Variants in PIEZO2 observed in about 807,000 individuals in gnomAD.
PIEZO2 encodes the protein piezo-type mechanosensitive ion channel component 2.
A neutral mutation model predicts 337.3 loss-of-function variants in PIEZO2; 172 were observed. The observed-to-expected ratio is 0.51, with a 90% CI of 0.45 to 0.58. The LOEUF (loss-of-function observed/expected upper bound fraction) is 0.58, where lower values mean the gene tolerates loss of function less well. Ranked by LOEUF, PIEZO2 falls within the 20% of genes least tolerant of loss-of-function variation. PIEZO2 has a pLI of 0.00. For synonymous variants in PIEZO2, 1,251 were observed against 1,228.5 expected (o/e 1.02, Z -0.38); for missense variants, 3,028 against 3,391.3 (o/e 0.89, Z 2.66).
At chr18:11,006,148 A>G (rs556321130) in intron 2 of PIEZO2, among the ~76,000 whole-genome samples, 1 of 152,218 alleles carries the variant, frequency 6.6e-6, no homozygotes, top group Admixed American at 6.5e-5. Context: ...CCATCTCCCC[A>G]ACTGCTTTTT....
chr18:11,098,268 C>CAG (rs1378964167), intron 1 of PIEZO2, among the ~76,000 whole-genome samples: 2 of 131,726 alleles, frequency 1.5e-5, no homozygotes, highest in African/African-American at 5.8e-5. Flanking sequence ...CACACACACA[C>CAG]ACACACGAAA....
chr18:10,970,569 CATT>C (rs1472055193), intron 3 of PIEZO2, among the ~76,000 whole-genome samples: 1 of 151,946 alleles, frequency 6.6e-6, no homozygotes, highest in Non-Finnish European at 1.5e-5. Flanking sequence ...AGAATCAAGA[CATT>C]ATAAATATGC....
rs764554164 is a variant in PIEZO2, at chr18:10,953,534, C to T, written c.286+26001G>A. ...TTGAATTTGTATCTCTATGGAAAATCAAGTGGCCGTGCACATACATGTGGG... is the reference window on the plus strand; with the variant it reads ...TTGAATTTGTATCTCTATGGAAAATTAAGTGGCCGTGCACATACATGTGGG... On this transcript the variant is annotated intron_variant, in intron 3 of 55. Coordinates refer to ENST00000674853, the MANE Select transcript of PIEZO2 (RefSeq NM_001378183.1). The surrounding 1 kb of genome is among the most constrained non-coding windows in gnomAD (Gnocchi z 5.2). Among the ~76,000 whole-genome samples the T allele has an allele frequency of 7.9e-5, 12 of 152,070 alleles. No homozygotes were observed. The highest frequency in any genetic ancestry group is 1.6e-4 in the Non-Finnish European group (11 of 68,024).
At chr18:10,836,399 C>T (rs78542406) in intron 7 of PIEZO2, among the ~76,000 whole-genome samples, 1,709 of 152,286 alleles carry the variant, frequency 0.011, 28 homozygotes, top group African/African-American at 0.039. Flanking sequence ...CTCTCCACTC[C>T]TGTCTCCTCC....
rs183853142 is a variant in PIEZO2, at chr18:10,837,104, G to A, written c.917+18249C>T. The stretch of plus-strand genomic sequence containing the variant: ...TTTCTTAGGCAAAGAAACACTCTTC[G>A]CACAGGGATTGCTCACAACTCTTTC... On this transcript the variant is annotated intron_variant, in intron 7 of 55. Transcript: ENST00000674853. This position sits in a 1 kb window ranked among gnomAD's most constrained non-coding sequence, Gnocchi z 4.4. 4.6e-5 allele frequency among the ~76,000 whole-genome samples: 7 copies of A among 152,206 alleles called. No homozygotes were observed. The highest frequency in any genetic ancestry group is 1.4e-4 in the African/African-American group (6 of 41,534).
At chr18:10,972,239 A>AATG (rs1414366869) in intron 3 of PIEZO2, among the ~76,000 whole-genome samples, 2 of 152,058 alleles carry the variant, frequency 1.3e-5, no homozygotes, top group Non-Finnish European at 2.9e-5. Flanking sequence ...TTTACATGAA[A>AATG]ATGTTAGTTC....
intron 49 of PIEZO2, among the ~76,000 whole-genome samples, chr18:10,688,341 C>CT (rs2034647175): frequency 6.6e-6 from 1 of 152,170 alleles, no homozygotes; most frequent in Non-Finnish European, 1.5e-5. Context: ...CGATCTCCTT[C>CT]TTTTTTATGG....
At position 10,684,379 on chromosome 18, in the gene PIEZO2, G is replaced by A. The variant is rs748539428; in HGVS notation, c.7498-2087C>T. Among the ~76,000 whole-genome samples, 46 of 150,474 alleles carry A rather than the reference G, an allele frequency of 3.1e-4. 1 individual carries two copies. The Middle Eastern group carries it at 0.01, about 34-fold the overall frequency. Reference sequence around the variant, plus strand: ...ACAGGGTTTCACCATGTTAGCCAGGGTGGTCTCAATCTCCTGGCCTCGTGA... The same window carrying A: ...ACAGGGTTTCACCATGTTAGCCAGGATGGTCTCAATCTCCTGGCCTCGTGA... On this transcript the variant is annotated intron_variant, in intron 49 of 55. Transcript: ENST00000674853.
At position 10,988,678 on chromosome 18, in the gene PIEZO2, C is replaced by T. The variant is rs970052321; in HGVS notation, c.161-9018G>A. Among the ~76,000 whole-genome samples, 5 of 152,106 alleles carry T rather than the reference C, an allele frequency of 3.3e-5. No homozygotes were observed. Among genetic ancestry groups the T allele is most frequent in the Non-Finnish European group, 7.4e-5 (5 of 68,016 alleles). Reference sequence around the variant, plus strand: ...AAAACAACCAAGATATGGAAACATCCTAAATGTCCACTGAAGGAATATTGG... The same window carrying T: ...AAAACAACCAAGATATGGAAACATCTTAAATGTCCACTGAAGGAATATTGG... On this transcript the variant is annotated intron_variant, in intron 2 of 55. Transcript: ENST00000674853. This position sits in a 1 kb window ranked among gnomAD's most constrained non-coding sequence, Gnocchi z 4.8.
chr18:10,989,197 A>T (rs986387205), intron 2 of PIEZO2, among the ~76,000 whole-genome samples: 1 of 152,160 alleles, frequency 6.6e-6, no homozygotes, highest in Non-Finnish European at 1.5e-5. Flanking sequence ...GGTGTCTATC[A>T]TCAAAACTCA....
At position 10,796,953 on chromosome 18, in the gene PIEZO2, CCAT is replaced by C. The variant is rs530935225; in HGVS notation, c.1527+418_1527+420del. ...GTACTATCATGTCATATCATACATACCATCATATCTTATATACCATTATATATG... is the reference window on the plus strand; with the variant it reads ...GTACTATCATGTCATATCATACATACCATATCTTATATACCATTATATATG... On this transcript the variant is annotated intron_variant, in intron 12 of 55. Transcript: ENST00000674853. Among the ~76,000 whole-genome samples the C allele has an allele frequency of 4.7e-4, 72 of 151,776 alleles. 3 individuals are homozygous for C. Among genetic ancestry groups the C allele is most frequent in the African/African-American group, 1.5e-3 (60 of 41,336 alleles).
rs1168379140 is a variant in PIEZO2 at position 10,767,914 on chromosome 18, G to A, written c.2946+2234C>T. ...AGGGCAAGGGCAGGTTTACCCGCCA[G>A]TTGCCAGCCCAGAGCGTGAGGCCAT... On this transcript the variant is annotated intron_variant, in intron 21 of 55. Transcript: ENST00000674853. This position sits in a 1 kb window ranked among gnomAD's most constrained non-coding sequence, Gnocchi z 4.2. Among the ~76,000 whole-genome samples the A allele has an allele frequency of 2.0e-5, 3 of 152,234 alleles. No homozygotes were observed. The highest frequency in any genetic ancestry group is 7.2e-5 in the African/African-American group (3 of 41,468).
intron 2 of PIEZO2, among the ~76,000 whole-genome samples, chr18:11,037,339 G>A (rs375105642): frequency 2.4e-4 from 37 of 152,186 alleles, no homozygotes; most frequent in East Asian, 1.2e-3. Flanking sequence ...TGCCACGTAA[G>A]AGGAGAGAAG....
chr18:10,763,926 G>C lies in PIEZO2; in HGVS notation c.2947-828C>G, dbSNP rs147357276. Among the ~76,000 whole-genome samples, 18 of 152,270 alleles carry C rather than the reference G, an allele frequency of 1.2e-4. 1 individual carries two copies. In the East Asian group the frequency reaches 3.3e-3, roughly 28 times the overall value. ...GGTGGGCCGGTGGGTAAGACAGAAA[G>C]TTCAAGGAGTGATTCCCAGGTTTCC... is the stretch of plus-strand genomic sequence containing the variant. On this transcript the variant is annotated intron_variant, in intron 21 of 55. Coordinates refer to ENST00000674853, the MANE Select transcript of PIEZO2 (RefSeq NM_001378183.1).
At chr18:10,996,204 T>C (rs999237252) in intron 2 of PIEZO2, among the ~76,000 whole-genome samples, 1 of 152,232 alleles carries the variant, frequency 6.6e-6, no homozygotes, top group Non-Finnish European at 1.5e-5. Context: ...GTAGTGTTTG[T>C]TGCTTTCACT....
At chr18:10,684,922 C>T (rs979085727) in intron 49 of PIEZO2, among the ~76,000 whole-genome samples, 6 of 151,862 alleles carry the variant, frequency 4.0e-5, no homozygotes, top group South Asian at 2.1e-4. Context: ...GACCAGAGTG[C>T]GGTGTCGTGA....
chr18:11,054,780 GAT>G (rs1361072196), intron 2 of PIEZO2, among the ~76,000 whole-genome samples: 3 of 152,312 alleles, frequency 2.0e-5, no homozygotes, highest in Non-Finnish European at 2.9e-5. Flanking sequence ...CTGAGAGTTG[GAT>G]ACGGTTGAGA....
chr18:10,997,244 C>CAAAA (rs574657633), intron 2 of PIEZO2, among the ~76,000 whole-genome samples: 7 of 111,014 alleles, frequency 6.3e-5, no homozygotes, highest in Non-Finnish European at 3.8e-5. Flanking sequence ...TGACTGCCTG[C>CAAAA]AAAAAAAAAA....
chr18:11,025,661 A>C (rs903530003), intron 2 of PIEZO2, among the ~76,000 whole-genome samples: 1 of 152,154 alleles, frequency 6.6e-6, no homozygotes, highest in Non-Finnish European at 1.5e-5. Context: ...TTTGACACAG[A>C]CATTTCCTGA....
Sources: gnomAD v4.1 joint callset for allele counts (sites outside exome capture counted in the v4.1 genomes callset) on GRCh38, gnomAD v4.1.1 for gene constraint, Gnocchi (gnomAD v3.1) non-coding constraint, MANE v1.5 for transcripts, NCBI Gene and HGNC (gene_info 2026-07-23, HGNC 2026-07-21) for gene names.